Variants in DEUP1 observed in about 807,000 individuals in gnomAD.
DEUP1 encodes coiled-coil domain containing 67.
DEUP1 carries 82 observed loss-of-function variants against 87.4 expected under a neutral mutation model. The ratio of observed to expected loss-of-function variants is 0.94; its 90% CI spans 0.78 to 1.13. The LOEUF (loss-of-function observed/expected upper bound fraction) is 1.13, where lower values mean the gene tolerates loss of function less well. Ranked by LOEUF, DEUP1 falls within the 50% of genes most tolerant of loss-of-function variation. The pLI, the probability that DEUP1 is intolerant of heterozygous loss-of-function variation, is 0.00. For missense variants in DEUP1, 663 were observed against 681.5 expected (o/e 0.97, Z 0.30); for synonymous variants, 214 against 222.7 (o/e 0.96, Z 0.35).
chr11:93,374,231 G>C (rs1945917295), intron 7 of DEUP1, among the ~76,000 whole-genome samples: 1 of 152,040 alleles, frequency 6.6e-6, no homozygotes, highest in African/African-American at 2.4e-5. Flanking sequence ...CACTCTGTGG[G>C]TTATGTGTTT....
At chr11:93,358,693 C>T (rs986551722) in intron 4 of DEUP1, among the ~76,000 whole-genome samples, 35 of 152,168 alleles carry the variant, frequency 2.3e-4, no homozygotes, top group African/African-American at 6.5e-4. Context: ...AAGTGATTGT[C>T]GTGCCTCAGC....
At chr11:93,405,588 G>A (rs569725914) in intron 11 of DEUP1, among the ~76,000 whole-genome samples, 2 of 152,040 alleles carry the variant, frequency 1.3e-5, no homozygotes, top group South Asian at 4.1e-4. Context: ...CTCCATAATA[G>A]GTAGTAAGCG....
intron 2 of DEUP1, among the ~76,000 whole-genome samples, chr11:93,340,030 A>G (rs575789452): frequency 6.6e-6 from 1 of 152,184 alleles, no homozygotes; most frequent in South Asian, 2.1e-4. Flanking sequence ...TAGGGTTCCT[A>G]TTTTTCTGGA....
At chr11:93,382,673 T>C (rs1291707801) in intron 7 of DEUP1, among the ~76,000 whole-genome samples, 1 of 152,192 alleles carries the variant, frequency 6.6e-6, no homozygotes, top group African/African-American at 2.4e-5. Context: ...TACATGCAAC[T>C]TCATATTTGA....
chr11:93,437,550 C>A lies in DEUP1; in HGVS notation c.1646C>A (p.Pro549Gln), dbSNP rs1347900194. 6 of 1,610,100 alleles carry A rather than the reference C, an allele frequency of 3.7e-6. No homozygotes were observed. The African/African-American group carries it at 4.0e-5, about 11-fold the overall frequency. Residue 549 changes from proline (P) to glutamine (Q), a missense_variant, in exon 14 of 14, where the codon CCA becomes CAA. Transcript: ENST00000298050. Reference sequence around the variant, plus strand: ...CTTTCTTTCTCTCTTTAGTCTCCCCCAGATATGTCCTTCCCAGCATCTTTG... The same window carrying A: ...CTTTCTTTCTCTCTTTAGTCTCCCCAAGATATGTCCTTCCCAGCATCTTTG... ...SDDDVFPLSPPDMSFPASLAA... is the reference protein window; with the variant it reads ...SDDDVFPLSPQDMSFPASLAA...
intron 2 of DEUP1, among the ~76,000 whole-genome samples, chr11:93,333,445 A>T (rs576023903): frequency 6.6e-6 from 1 of 152,238 alleles, no homozygotes; most frequent in South Asian, 2.1e-4. Context: ...AGAGAGTAAG[A>T]CCTTTTCTTT....
intron 7 of DEUP1, among the ~76,000 whole-genome samples, chr11:93,378,952 CTTCT>C (rs34191168): frequency 0.09 from 13,744 of 152,104 alleles, 1,593 homozygotes; most frequent in African/African-American, 0.27. Context: ...TGCTTTTTCT[CTTCT>C]TTAAGTCTTT....
upstream of DEUP1, chr11:93,330,206 G>A (rs368064134): frequency 3.3e-5 from 5 of 152,372 alleles, no homozygotes; most frequent in East Asian, 7.7e-4. Context: ...CTCTTTACCC[G>A]AAGTTTATTT....
chr11:93,334,402 G>A (rs1312527552), intron 2 of DEUP1, among the ~76,000 whole-genome samples: 2 of 152,196 alleles, frequency 1.3e-5, no homozygotes, highest in Non-Finnish European at 2.9e-5. Flanking sequence ...AGGTAGCAGT[G>A]AACAAAATAG....
chr11:93,408,445 T>TATAA lies in DEUP1; in HGVS notation c.1523+19_1523+22dup. The TATAA allele has an allele frequency of 7.1e-7, 1 of 1,410,630 alleles. No individual in the cohort carries two copies. The allele number at this position is 1,410,630 out of a possible 1,614,324, so 87.4% of individuals were successfully genotyped here. The stretch of plus-strand genomic sequence containing the variant: ...GAAGAGAGGTATGCTGGCTCCATTA[T>TATAA]ATAAGGGCATAAGTTTAAAAACATG... On this transcript the variant is annotated intron_variant, in intron 12 of 13. Coordinates refer to ENST00000298050, the MANE Select transcript of DEUP1 (RefSeq NM_181645.4).
intron 5 of DEUP1, among the ~76,000 whole-genome samples, chr11:93,364,913 C>T (rs747480105): frequency 3.3e-5 from 5 of 152,018 alleles, no homozygotes; most frequent in Non-Finnish European, 7.4e-5. Flanking sequence ...CGTTTTCCAA[C>T]CTTGGAAAAA....
At position 93,370,909 on chromosome 11, in the gene DEUP1, A is replaced by G. The variant is rs1945686602; in HGVS notation, c.547-129A>G. The stretch of plus-strand genomic sequence containing the variant: ...ACAAATATAAGACTGAATTACAAAG[A>G]CCCAACTTTCATTATGTAGTAACAT... On this transcript the variant is annotated intron_variant, in intron 6 of 13. Transcript: ENST00000298050. The G allele has an allele frequency of 7.3e-6, 6 of 818,158 alleles. No homozygotes were observed. In the African/African-American group the frequency reaches 8.7e-5, roughly 12 times the overall value. The allele number at this position is 818,158 out of a possible 1,614,324, so 50.7% of individuals were successfully genotyped here.
chr11:93,332,289 G>GTC lies in DEUP1; in HGVS notation c.29+2_29+3insCT, dbSNP rs768344725. On this transcript the variant is annotated splice_donor_variant, in intron 2 of 13. Coordinates refer to ENST00000298050, the MANE Select transcript of DEUP1 (RefSeq NM_181645.4). LOFTEE classifies it high-confidence loss of function. The stretch of plus-strand genomic sequence containing the variant: ...AGAACCAAGCCCATAATACGATGGG[G>GTC]TAAGTGCTGAGAAATTTCTGTTTAA... The GTC allele has an allele frequency of 6.2e-7, 1 of 1,606,600 alleles. No homozygotes were observed. The highest frequency in any genetic ancestry group is 1.1e-5 in the South Asian group (1 of 89,216).
intron 11 of DEUP1, among the ~76,000 whole-genome samples, chr11:93,399,105 T>C (rs1432365381): frequency 6.6e-6 from 1 of 152,160 alleles, no homozygotes; most frequent in Non-Finnish European, 1.5e-5. Flanking sequence ...CAAAATGCTT[T>C]AAACTTCTAC....
chr11:93,385,832 A>G (rs929075325), intron 8 of DEUP1, among the ~76,000 whole-genome samples: 10 of 152,046 alleles, frequency 6.6e-5, no homozygotes, highest in Non-Finnish European at 1.3e-4. Flanking sequence ...TGGGAGGACA[A>G]TTTGAGCCCA....
chr11:93,398,043 C>A (rs1006699717), intron 11 of DEUP1, among the ~76,000 whole-genome samples: 1 of 152,024 alleles, frequency 6.6e-6, no homozygotes, highest in South Asian at 2.1e-4. Flanking sequence ...TATACCCCCT[C>A]CTCTAGATGA....
chr11:93,334,069 A>AC (rs1276641642), intron 2 of DEUP1, among the ~76,000 whole-genome samples: 3 of 151,912 alleles, frequency 2.0e-5, no homozygotes, highest in African/African-American at 7.3e-5. Context: ...TGTAATTACA[A>AC]CCCCCCAAGT....
intron 2 of DEUP1, among the ~76,000 whole-genome samples, chr11:93,338,003 C>CA (rs1943859556): frequency 6.6e-6 from 1 of 152,156 alleles, no homozygotes; most frequent in Non-Finnish European, 1.5e-5. Flanking sequence ...AGTTGTATGG[C>CA]ACCTTGGAAC....
intron 10 of DEUP1, among the ~76,000 whole-genome samples, chr11:93,395,848 G>A (rs1804125072): frequency 6.6e-6 from 1 of 152,126 alleles, no homozygotes. Context: ...TGAAAGTTAT[G>A]TATTGCCTAT....
Sources: gnomAD v4.1 joint callset for allele counts (sites outside exome capture counted in the v4.1 genomes callset) on GRCh38, gnomAD v4.1.1 for gene constraint, MANE v1.5 for transcripts, NCBI Gene and HGNC (gene_info 2026-07-23, HGNC 2026-07-21) for gene names.